Variants in RAB40A observed in about 807,000 individuals in gnomAD.
RAB40A encodes ras-related protein Rab-40A.
For missense variants in RAB40A, 145 were observed against 230.2 expected, an observed-to-expected ratio of 0.63 and a Z score of 2.40; for synonymous variants, 65 against 99.9, an observed-to-expected ratio of 0.65 and a Z score of 2.08.
intron 1 of RAB40A, among the ~76,000 whole-genome samples, 184 bp downstream of exon 1, chrX:103,519,186 T>G: frequency 8.9e-6 from 1 of 111,954 alleles, no homozygotes; most frequent in African/African-American, 3.2e-5. Context: ...AACACCATTT[T>G]GTTAAATTTT....
In RAB40A at chrX:103,500,629, T is replaced by TA. The variant is rs767904963; in HGVS notation, c.127dup (p.Tyr43LeufsTer68). 6.6e-6 allele frequency: 8 copies of TA among 1,210,841 alleles called. No homozygotes were observed. In the South Asian group the frequency reaches 1.4e-4, roughly 21 times the overall value. On this transcript the variant is annotated frameshift_variant, in exon 3 of 3. Coordinates refer to ENST00000304236, the MANE Select transcript of RAB40A (RefSeq NM_080879.3). LOFTEE classifies it low-confidence loss of function (END_TRUNC). ...GTAGTCGATCCCCCCGAGATGGCTG[T>TA]ACGGGGACTCAGCTGCACCATCCTG...
At chrX:103,502,464 A>C (rs2073233479) in intron 2 of RAB40A, 1 of 124,004 alleles carries the variant, frequency 8.1e-6, no homozygotes, top group Non-Finnish European at 1.9e-5. Context: ...CCTTCTCTTC[A>C]GCTCACCTGT....
chrX:103,511,589 A>T (rs1476675989), intron 2 of RAB40A, among the ~76,000 whole-genome samples: 1 of 111,121 alleles, frequency 9.0e-6, no homozygotes, highest in African/African-American at 3.3e-5. Context: ...CAGCAAACTA[A>T]CACAAAAACA....
downstream of RAB40A, among the ~76,000 whole-genome samples, chrX:103,495,054 A>G (rs2073158536): frequency 8.9e-6 from 1 of 112,000 alleles, no homozygotes; most frequent in African/African-American, 3.2e-5. Flanking sequence ...AACATGAAAT[A>G]CTTTTCCATT....
At chrX:103,496,393 G>A (rs761824796), downstream of RAB40A, among the ~76,000 whole-genome samples, 3 of 112,251 alleles carry the variant, frequency 2.7e-5, no homozygotes, top group African/African-American at 9.7e-5. Flanking sequence ...TATGATTTGT[G>A]TGGTGCAGTA....
At chrX:103,507,094 T>C (rs1419783382) in intron 2 of RAB40A, among the ~76,000 whole-genome samples, 1 of 104,074 alleles carries the variant, frequency 9.6e-6, no homozygotes, top group Admixed American at 1.0e-4. Context: ...GTCCATGTGT[T>C]CTCAGTGTTC....
downstream of RAB40A, among the ~76,000 whole-genome samples, chrX:103,494,633 C>T (rs1329418512): frequency 2.7e-5 from 3 of 111,945 alleles, no homozygotes; most frequent in Non-Finnish European, 3.8e-5. Context: ...TATTTTCATT[C>T]TTCTGCGTAT....
rs1472059984 is a variant in RAB40A at position 103,517,493 on chromosome X, T to G, written c.-190A>C. The G allele has an allele frequency of 9.0e-6, 1 of 111,360 alleles. No homozygotes were observed. The highest frequency in any genetic ancestry group is 1.9e-5 in the Non-Finnish European group (1 of 53,051). 9.2% of individuals were successfully genotyped at this position (111,360 alleles called of 1,213,427 possible). A position where few individuals can be genotyped will look rare whatever the true frequency, so the allele number is the denominator to read the frequency against. On this transcript the variant is annotated 5_prime_UTR_variant, in exon 2 of 3. It removes an upstream start codon present in the reference 5' UTR. Transcript: ENST00000304236. The stretch of plus-strand genomic sequence containing the variant: ...TCTTCTGTACTATTTCTTCCTCCCA[T>G]GGCTCAATAAGAACTCCTTCACCCA...
rs139389579 is a variant in RAB40A at position 103,500,099 on chromosome X, T to C, written c.658A>G (p.Ser220Gly). 3.8e-4 allele frequency: 454 copies of C among 1,210,576 alleles called. 1 individual carries two copies. The East Asian group carries it at 0.013, about 34-fold the overall frequency. The change falls in exon 3 of 3, where the codon AGC (serine) becomes GGC (glycine). Residue 220 changes from serine (S) to glycine (G), a missense_variant. Coordinates refer to ENST00000304236, the MANE Select transcript of RAB40A (RefSeq NM_080879.3). ...DKLPLPSTLR[S>G]HLKSFSMAKG... ...GCCATGGAGAAGGACTTGAGGTGGC[T>C]TCTTAAGGTACTGGGGAGCGGGAGC...
At chrX:103,514,537 G>T (rs1270475240) in intron 2 of RAB40A, among the ~76,000 whole-genome samples, 1 of 110,668 alleles carries the variant, frequency 9.0e-6, no homozygotes, top group Non-Finnish European at 1.9e-5. Flanking sequence ...TTTTTGTACA[G>T]ATGGGGTTTC....
intron 2 of RAB40A, among the ~76,000 whole-genome samples, chrX:103,505,843 A>G (rs899392925): frequency 1.8e-5 from 2 of 111,781 alleles, no homozygotes; most frequent in African/African-American, 6.5e-5. Flanking sequence ...CCCCAACTAC[A>G]TAAAAATATT....
Position 103,499,190 on chromosome X carries a change from G to T in RAB40A, c.*733C>A, listed in dbSNP as rs1035790002. On this transcript the variant is annotated 3_prime_UTR_variant, in exon 3 of 3. Transcript: ENST00000304236. ...ACGTATTTCATTCCTTACTGAAATG[G>T]TTTTTTCTTATTGATCCATTGAAAC... The T allele has an allele frequency of 8.4e-5, 10 of 118,895 alleles. No individual in the cohort carries two copies. Among genetic ancestry groups the T allele is most frequent in the Non-Finnish European group, 1.7e-4 (9 of 53,313 alleles). 9.8% of individuals were successfully genotyped at this position (118,895 alleles called of 1,213,427 possible).
intron 2 of RAB40A, among the ~76,000 whole-genome samples, chrX:103,509,793 T>C (rs928335177): frequency 9.6e-6 from 1 of 103,645 alleles, no homozygotes; most frequent in South Asian, 4.5e-4. Context: ...ATAAATGTAT[T>C]AACATATGAA....
chrX:103,493,341 G>C, the RAB40A span, among the ~76,000 whole-genome samples: 3 of 111,328 alleles, frequency 2.7e-5, no homozygotes, highest in East Asian at 5.6e-4. Flanking sequence ...GGATACATGA[G>C]ATTTTGGTAC....
chrX:103,508,897 T>C (rs1313752114), intron 2 of RAB40A, among the ~76,000 whole-genome samples: 3 of 111,645 alleles, frequency 2.7e-5, no homozygotes, highest in Non-Finnish European at 5.6e-5. Context: ...TAGATATGAA[T>C]ATTCTGGACA....
At chrX:103,517,873 T>C (rs2073324043) in intron 1 of RAB40A, among the ~76,000 whole-genome samples, 1 of 111,901 alleles carries the variant, frequency 8.9e-6, no homozygotes, top group Admixed American at 9.5e-5. Flanking sequence ...CAAGGAAGAT[T>C]CCCTCTCTCT....
chrX:103,515,473 G>T (rs1180888), intron 2 of RAB40A, among the ~76,000 whole-genome samples: 5 of 111,033 alleles, frequency 4.5e-5, no homozygotes, highest in African/African-American at 1.6e-4. Context: ...AGTCTTTTGA[G>T]GAAGGGAAAA....
rs2073223679 is a variant in RAB40A, at chrX:103,500,871, G to T, written c.-70-45C>A. On this transcript the variant is annotated intron_variant, in intron 2 of 2. Transcript: ENST00000304236. ...AGAACATAAAAAATGAGATGGGGAA[G>T]TCTGTGAAATAAAGCGAAATGAGGT... 1.0e-5 allele frequency: 11 copies of T among 1,098,873 alleles called. No homozygotes were observed. The South Asian group carries it at 1.6e-4, about 16-fold the overall frequency. 90.6% of individuals were successfully genotyped at this position (1,098,873 alleles called of 1,213,427 possible). A position where few individuals can be genotyped will look rare whatever the true frequency, so the allele number is the denominator to read the frequency against.
chrX:103,514,718 T>C (rs1004934143), intron 2 of RAB40A, among the ~76,000 whole-genome samples: 6 of 112,163 alleles, frequency 5.3e-5, no homozygotes, highest in Admixed American at 3.8e-4. Context: ...ATACAGTATA[T>C]TCTTTTTGTA....
Sources: gnomAD v4.1 joint callset for allele counts (sites outside exome capture counted in the v4.1 genomes callset) on GRCh38, gnomAD v4.1.1 for gene constraint, MANE v1.5 for transcripts, NCBI Gene and HGNC (gene_info 2026-07-23, HGNC 2026-07-21) for gene names.